The following LRRD1 variants were observed in gnomAD, a reference collection of about 807,000 sequenced individuals.
The protein encoded by LRRD1 is leucine-rich repeat and death domain-containing protein 1.
In LRRD1, 49 loss-of-function variants were observed where a neutral mutation model predicts 69.5. That is an observed-to-expected ratio of 0.70 (90% CI 0.56 to 0.89). The LOEUF is 0.89. LRRD1 is among the 40% of genes least tolerant of loss of function. The pLI, the probability that LRRD1 is intolerant of heterozygous loss-of-function variation, is 0.00. For synonymous variants in LRRD1, 303 were observed against 338.9 expected (o/e 0.89, Z 1.16); for missense variants, 853 against 956.0 (o/e 0.89, Z 1.42).
At chr7:92,142,321 G>T, downstream of LRRD1, 1 of 382,156 alleles carries the variant, frequency 2.6e-6, no homozygotes, top group Non-Finnish European at 5.1e-6. Flanking sequence ...CCTTAAGTGG[G>T]TGAAAAGTAA....
At chr7:92,173,483 C>G (rs901871632) in intron 1 of LRRD1, among the ~76,000 whole-genome samples, 1 of 151,976 alleles carries the variant, frequency 6.6e-6, no homozygotes, top group African/African-American at 2.4e-5. Context: ...GTAAGGAGCT[C>G]AAACAACTTA....
At chr7:92,178,892 A>G (rs1162896425) in intron 1 of LRRD1, 115 bp downstream of exon 1, 1 of 152,242 alleles carries the variant, frequency 6.6e-6, no homozygotes, top group Non-Finnish European at 1.5e-5. Flanking sequence ...AGAGACATTC[A>G]GTACAGGCTA....
At chr7:92,157,057 G>A (rs896754804) in intron 3 of LRRD1, among the ~76,000 whole-genome samples, 2 of 126,586 alleles carry the variant, frequency 1.6e-5, no homozygotes, top group African/African-American at 6.2e-5. Flanking sequence ...TTGAGATGAG[G>A]TCTTGTTTTG....
At position 92,173,491 on chromosome 7, in the gene LRRD1, T is replaced by G. The variant is rs532206406; in HGVS notation, c.-75+5516A>C. Among the ~76,000 whole-genome samples the G allele has an allele frequency of 3.3e-5, 5 of 151,904 alleles. No homozygotes were observed. The South Asian group carries it at 1.0e-3, about 32-fold the overall frequency. The stretch of plus-strand genomic sequence containing the variant: ...AGAATATGTAAGGAGCTCAAACAAC[T>G]TAAAAGGAAAAAAAATCTGATTTGC... On this transcript the variant is annotated intron_variant, in intron 1 of 5. Coordinates refer to ENST00000458448, the MANE Select transcript of LRRD1 (RefSeq NM_001161528.2).
chr7:92,149,808 C>G (rs1356293570), intron 4 of LRRD1: 1 of 365,140 alleles, frequency 2.7e-6, no homozygotes, highest in African/African-American at 2.1e-5. Context: ...CTGCCTTGGC[C>G]TCCCAAAGTG....
intron 1 of LRRD1, among the ~76,000 whole-genome samples, chr7:92,173,394 CA>C (rs979846147): frequency 6.6e-6 from 1 of 152,176 alleles, no homozygotes; most frequent in Non-Finnish European, 1.5e-5. Flanking sequence ...AAGCAATCAA[CA>C]AAGTGAAGAG....
intron 3 of LRRD1, among the ~76,000 whole-genome samples, chr7:92,156,250 C>T (rs1417982954): frequency 6.6e-6 from 1 of 152,176 alleles, no homozygotes; most frequent in African/African-American, 2.4e-5. Flanking sequence ...GTGAATCATC[C>T]AACTTTGTTT....
At position 92,164,459 on chromosome 7, in the gene LRRD1, A is replaced by C; in HGVS notation, c.744T>G (p.Asn248Lys). 8 of 1,550,048 alleles carry C rather than the reference A, an allele frequency of 5.2e-6. No homozygotes were observed. Among genetic ancestry groups the C allele is most frequent in the Non-Finnish European group, 7.0e-6 (8 of 1,146,342 alleles). ...QLFFYNNYIE[N>K]FPSDLECLGN... is the part of the protein sequence containing the mutation. ...CAAGACATTCTAAGTCAGAAGGAAAATTTTCAATGTAATTGTTATAAAAAA... is the reference window on the plus strand; with the variant it reads ...CAAGACATTCTAAGTCAGAAGGAAACTTTTCAATGTAATTGTTATAAAAAA... Residue 248 changes from asparagine (N) to lysine (K), a missense_variant, in exon 2 of 6, where the codon AAT becomes AAG. By Grantham distance (94) the Asn-to-Lys change is moderately conservative (BLOSUM62 0). Coordinates refer to ENST00000458448, the MANE Select transcript of LRRD1 (RefSeq NM_001161528.2).
At chr7:92,145,439 C>CTTTT (rs745661467) in intron 5 of LRRD1, among the ~76,000 whole-genome samples, 8 of 129,428 alleles carry the variant, frequency 6.2e-5, no homozygotes, top group Non-Finnish European at 8.3e-5. Flanking sequence ...ATACTATATG[C>CTTTT]TTTTTTTTTT....
Position 92,164,438 on chromosome 7 carries a change from A to G in LRRD1, c.765T>C (p.Cys255=), listed in dbSNP as rs759734700. ...AACTTAAAATTTCCAAGTTTCCAAG[A>G]CATTCTAAGTCAGAAGGAAAATTTT... ...YIENFPSDLE[C]LGNLEILSLG... The change falls in exon 2 of 6, where the codon TGT becomes TGC. Residue 255 remains cysteine, a synonymous_variant. Coordinates refer to ENST00000458448, the MANE Select transcript of LRRD1 (RefSeq NM_001161528.2). 5 of 1,549,692 alleles carry G rather than the reference A, an allele frequency of 3.2e-6. No individual in the cohort carries two copies. In the South Asian group the frequency reaches 3.6e-5, roughly 11 times the overall value.
At chr7:92,142,468 G>C, downstream of LRRD1, 3 of 456,734 alleles carry the variant, frequency 6.6e-6, no homozygotes, top group Non-Finnish European at 1.3e-5. Flanking sequence ...CCTACCCGCA[G>C]AAAGAGTGCA....
chr7:92,159,124 A>G lies in LRRD1; in HGVS notation c.1997T>C (p.Ile666Thr), dbSNP rs557745189. 3.6e-5 allele frequency: 55 copies of G among 1,548,132 alleles called. No individual in the cohort carries two copies. The African/African-American group carries it at 4.7e-4, about 13-fold the overall frequency. ...LDISNNAIRE[I>T]PRNIGELRNL... Reference sequence around the variant, plus strand: ...TCTCAATTCTCCTATATTTCTTGGAATCTCTCTGATTGCATTATTTGAGAT... The same window carrying G: ...TCTCAATTCTCCTATATTTCTTGGAGTCTCTCTGATTGCATTATTTGAGAT... Residue 666 changes from isoleucine (I) to threonine (T), a missense_variant, in exon 3 of 6, where the codon ATT becomes ACT. Around this residue, in one of 3 missense-constraint regions of LRRD1, gnomAD observed 739 missense variants for 808.0 expected, o/e 0.91. Transcript: ENST00000458448.
At chr7:92,171,343 A>G (rs1219065917) in intron 1 of LRRD1, among the ~76,000 whole-genome samples, 6 of 152,132 alleles carry the variant, frequency 3.9e-5, no homozygotes, top group Non-Finnish European at 5.9e-5. Flanking sequence ...ATAAGGAGAT[A>G]TAACAACTGA....
chr7:92,151,011 A>G (rs181468649), intron 3 of LRRD1, among the ~76,000 whole-genome samples: 144 of 152,370 alleles, frequency 9.5e-4, no homozygotes, highest in African/African-American at 3.3e-3. Flanking sequence ...TTTGATTCAT[A>G]GAAATGTTGC....
In LRRD1 at chr7:92,178,989, A is replaced by ACACAC. The variant is rs1323087697; in HGVS notation, c.-75+13_-75+17dup. ...TGGCTTACAGGGCTGCTGAAGTAAG[A>ACACAC]CACACCCTTCGCTTCACCTGTGGCC... On this transcript the variant is annotated intron_variant, in intron 1 of 5. Transcript: ENST00000458448. 1 of 152,316 alleles carries ACACAC rather than the reference A, an allele frequency of 6.6e-6. No individual in the cohort carries two copies. Among genetic ancestry groups the ACACAC allele is most frequent in the Non-Finnish European group, 1.5e-5 (1 of 68,110 alleles). The allele number at this position is 152,316 out of a possible 1,614,324, so 9.4% of individuals were successfully genotyped here. A position where few individuals can be genotyped will look rare whatever the true frequency, so the allele number is the denominator to read the frequency against.
chr7:92,166,561 G>A (rs955686134), intron 1 of LRRD1, among the ~76,000 whole-genome samples: 2 of 152,090 alleles, frequency 1.3e-5, no homozygotes, highest in Non-Finnish European at 2.9e-5. Context: ...ATATTATAAA[G>A]CCATCAATAT....
chr7:92,177,096 TTAA>T (rs1789214854), intron 1 of LRRD1, among the ~76,000 whole-genome samples: 1 of 150,314 alleles, frequency 6.7e-6, no homozygotes, highest in Non-Finnish European at 1.5e-5. Context: ...GTAATGAATA[TTAA>T]TACATAGTAA....
At chr7:92,160,399 T>C (rs923825595) in intron 2 of LRRD1, among the ~76,000 whole-genome samples, 3 of 152,174 alleles carry the variant, frequency 2.0e-5, no homozygotes, top group Non-Finnish European at 4.4e-5. Context: ...AATGAAGCAA[T>C]AGGTAATCCA....
At chr7:92,142,915 CAATGCT>C (rs999522540), downstream of LRRD1, 5 of 332,468 alleles carry the variant, frequency 1.5e-5, no homozygotes, top group Non-Finnish European at 3.0e-5. Flanking sequence ...AGCGAAAGAA[CAATGCT>C]TCCGCAGTGT....
Sources: allele counts gnomAD v4.1 joint callset (sites outside exome capture counted in the v4.1 genomes callset), GRCh38; gene constraint gnomAD v4.1.1; regional missense constraint gnomAD v4.1.1; transcripts MANE v1.5; gene names NCBI Gene and HGNC (gene_info 2026-07-23, HGNC 2026-07-21).